The following DHRS3 variants were observed in gnomAD, a reference collection of about 807,000 sequenced individuals.
DHRS3 encodes dehydrogenase/reductase 3.
In DHRS3, 14 loss-of-function variants were observed where a neutral mutation model predicts 27.2. The ratio of observed to expected loss-of-function variants is 0.52; its 90% CI spans 0.34 to 0.81. DHRS3 has a LOEUF of 0.81. Among genes scored for constraint, DHRS3 ranks in the 30% least tolerant of loss-of-function variants. DHRS3 has a pLI of 0.01. For missense variants in DHRS3, 322 were observed against 406.2 expected (o/e 0.79, Z 1.78); for synonymous variants, 165 against 175.9 (o/e 0.94, Z 0.49).
intron 1 of DHRS3, among the ~76,000 whole-genome samples, chr1:12,589,764 A>G (rs1339689831): frequency 6.6e-6 from 1 of 152,160 alleles, no homozygotes; most frequent in Non-Finnish European, 1.5e-5. Context: ...TGGGGGAATT[A>G]CTTGAGGCCA....
Position 12,594,090 on chromosome 1 carries a change from A to C in DHRS3, c.196-13424T>G, listed in dbSNP as rs1646769106. ...GGGTGACCTTGGGGTGGGGGTGCCA[A>C]GGAGAGGAGGGAGGAGCCAGCATCT... On this transcript the variant is annotated intron_variant, in intron 1 of 5. Transcript: ENST00000616661. The surrounding 1 kb of genome is among the most constrained non-coding windows in gnomAD (Gnocchi z 4.1). Among the ~76,000 whole-genome samples, 1 of 152,082 alleles carries C rather than the reference A, an allele frequency of 6.6e-6. No homozygotes were observed.
intron 1 of DHRS3, chr1:12,616,637 G>T (rs1031644830): frequency 9.6e-5 from 95 of 991,932 alleles, no homozygotes; most frequent in Middle Eastern, 5.1e-4. Context: ...ATACAAGACC[G>T]CTCTTCCCTT....
Position 12,580,504 on chromosome 1 carries a change from A to G in DHRS3, c.339+19T>C. On this transcript the variant is annotated intron_variant, in intron 2 of 5. Coordinates refer to ENST00000616661, the MANE Select transcript of DHRS3 (RefSeq NM_004753.7). ...CTGTGGTCAGCTGTGCTAGGAATAG[A>G]CCCTCCCAGGCTACAGACCTTCTCC... is the stretch of plus-strand genomic sequence containing the variant. 1 of 1,613,874 alleles carries G rather than the reference A, an allele frequency of 6.2e-7. No homozygotes were observed. The highest frequency in any genetic ancestry group is 8.5e-7 in the Non-Finnish European group (1 of 1,179,964).
intron 1 of DHRS3, among the ~76,000 whole-genome samples, chr1:12,582,152 G>A (rs981224508): frequency 2.6e-5 from 4 of 152,098 alleles, no homozygotes; most frequent in South Asian, 2.1e-4. Context: ...TTTGTTACAC[G>A]GTATAGAGAA....
rs1484185172 is a variant in DHRS3 at position 12,578,724 on chromosome 1, C to G, written c.692G>C (p.Arg231Thr). ...GGGTCCCCTGCTCACTGACCTGACT[C>G]TCATGCCCTGGAACATCTCGGTGCT... Reference protein sequence around the residue: ...HTSTEMFQGMRVRFPNLFPPL... With the variant: ...HTSTEMFQGMTVRFPNLFPPL... The change falls in exon 4 of 6, where the codon AGA becomes ACA. Residue 231 changes from arginine to threonine, a missense_variant. By Grantham distance (71) the Arg-to-Thr change is moderately conservative. Transcript: ENST00000616661. This position sits in a 1 kb window ranked among gnomAD's most constrained non-coding sequence, Gnocchi z 4.5. 3 of 1,612,710 alleles carry G rather than the reference C, an allele frequency of 1.9e-6. No homozygotes were observed. The highest frequency in any genetic ancestry group is 2.5e-6 in the Non-Finnish European group (3 of 1,178,980).
rs563184181 is a variant in DHRS3, at chr1:12,574,408, T to A, written c.699-1555A>T. 8.1e-4 allele frequency among the ~76,000 whole-genome samples: 124 copies of A among 152,168 alleles called. No individual in the cohort carries two copies. The highest frequency in any genetic ancestry group is 2.9e-3 in the African/African-American group (119 of 41,500). ...CTGGCAACTCCTGGGCTGAAGTGAT[T>A]CCCCTGCCTCAGCCTCCCAAAGCAC... On this transcript the variant is annotated intron_variant, in intron 4 of 5. Coordinates refer to ENST00000616661, the MANE Select transcript of DHRS3 (RefSeq NM_004753.7). This position sits in a 1 kb window ranked among gnomAD's most constrained non-coding sequence, Gnocchi z 4.6.
rs1157678698 is a variant in DHRS3 at position 12,589,725 on chromosome 1, T to C, written c.196-9059A>G. Among the ~76,000 whole-genome samples, 3 of 152,320 alleles carry C rather than the reference T, an allele frequency of 2.0e-5. No homozygotes were observed. In the East Asian group the frequency reaches 5.8e-4, roughly 29 times the overall value. ...TGGGCTGGATATGTTGGCTCACGCC[T>C]ATATTCCCAGCACTTTGGGAGGCCG... On this transcript the variant is annotated intron_variant, in intron 1 of 5. Coordinates refer to ENST00000616661, the MANE Select transcript of DHRS3 (RefSeq NM_004753.7).
intron 1 of DHRS3, chr1:12,616,471 A>C (rs1408364822): frequency 2.5e-6 from 2 of 810,388 alleles, no homozygotes; most frequent in Non-Finnish European, 1.5e-6. Flanking sequence ...CCTTCCAGCT[A>C]AATGGGGAGG....
intron 4 of DHRS3, among the ~76,000 whole-genome samples, chr1:12,576,475 T>C (rs1646589469): frequency 6.6e-6 from 1 of 151,580 alleles, no homozygotes; most frequent in South Asian, 2.1e-4. Flanking sequence ...GGCAGGAGAA[T>C]GGCATGAACC....
At chr1:12,581,207 G>A (rs1355420814) in intron 1 of DHRS3, among the ~76,000 whole-genome samples, 1 of 152,172 alleles carries the variant, frequency 6.6e-6, no homozygotes, top group Non-Finnish European at 1.5e-5. Flanking sequence ...TCAATCAATT[G>A]ATGTGTATTT....
intron 1 of DHRS3, among the ~76,000 whole-genome samples, chr1:12,612,231 C>T (rs1352288267): frequency 6.6e-6 from 1 of 152,122 alleles, no homozygotes; most frequent in Non-Finnish European, 1.5e-5. Flanking sequence ...CTGCTCTCTC[C>T]CTGTAAATTG....
rs1646567098 is a variant in DHRS3 at position 12,574,307 on chromosome 1, G to T, written c.699-1454C>A. Among the ~76,000 whole-genome samples the T allele has an allele frequency of 6.6e-6, 1 of 152,108 alleles. No individual in the cohort carries two copies. Among genetic ancestry groups the T allele is most frequent in the Non-Finnish European group, 1.5e-5 (1 of 68,030 alleles). On this transcript the variant is annotated intron_variant, in intron 4 of 5. Coordinates refer to ENST00000616661, the MANE Select transcript of DHRS3 (RefSeq NM_004753.7). The surrounding 1 kb of genome is among the most constrained non-coding windows in gnomAD (Gnocchi z 4.6). ...CTGCCTCAGCCACCCGAGTAGCTGG[G>T]ACTACAGGTGCACACACCATGCCCA...
At position 12,572,570 on chromosome 1, in the gene DHRS3, C is replaced by T. The variant is rs1034142154; in HGVS notation, c.824+158G>A. Among the ~76,000 whole-genome samples, 12 of 152,286 alleles carry T rather than the reference C, an allele frequency of 7.9e-5. 1 individual carries two copies. Among genetic ancestry groups the T allele is most frequent in the African/African-American group, 1.2e-4 (5 of 41,566 alleles). On this transcript the variant is annotated intron_variant, in intron 5 of 5. Coordinates refer to ENST00000616661, the MANE Select transcript of DHRS3 (RefSeq NM_004753.7). The stretch of plus-strand genomic sequence containing the variant: ...TACTTTTTAAAACTCTAAGGGGCCC[C>T]GTGACTAACAAGTTTGAGAACTGCT...
chr1:12,577,011 G>T lies in DHRS3; in HGVS notation c.698+1707C>A, dbSNP rs565433414. Among the ~76,000 whole-genome samples, 3 of 151,682 alleles carry T rather than the reference G, an allele frequency of 2.0e-5. No individual in the cohort carries two copies. In the East Asian group the frequency reaches 5.8e-4, roughly 29 times the overall value. On this transcript the variant is annotated intron_variant, in intron 4 of 5. Transcript: ENST00000616661. Reference sequence around the variant, plus strand: ...TCAACAATCAACACCGCACTGTCCCGATTAATAGTAACTAAGGCGTAATGA... The same window carrying T: ...TCAACAATCAACACCGCACTGTCCCTATTAATAGTAACTAAGGCGTAATGA...
chr1:12,607,357 GC>G (rs1646878528), intron 1 of DHRS3, among the ~76,000 whole-genome samples: 1 of 152,164 alleles, frequency 6.6e-6, no homozygotes, highest in African/African-American at 2.4e-5. Flanking sequence ...ATCCCCATCT[GC>G]CAAGGGAGAG....
Position 12,608,561 on chromosome 1 carries a change from CCCCCTG to C in DHRS3, c.195+8587_195+8592del, listed in dbSNP as rs1253733216. Among the ~76,000 whole-genome samples, 2 of 152,142 alleles carry C rather than the reference CCCCCTG, an allele frequency of 1.3e-5. No individual in the cohort carries two copies. The highest frequency in any genetic ancestry group is 1.9e-4 in the East Asian group (1 of 5,192). On this transcript the variant is annotated intron_variant, in intron 1 of 5. Coordinates refer to ENST00000616661, the MANE Select transcript of DHRS3 (RefSeq NM_004753.7). The surrounding 1 kb of genome is among the most constrained non-coding windows in gnomAD (Gnocchi z 4.1). Reference sequence around the variant, plus strand: ...ATGCTGGTGTCCTCTTTTCCTCCTGCCCCCTGCCCCTGCCCCTGCCTGTGTCATTGC... The same window carrying C: ...ATGCTGGTGTCCTCTTTTCCTCCTGCCCCCTGCCCCTGCCTGTGTCATTGC...
At chr1:12,595,775 G>A (rs1570387308) in intron 1 of DHRS3, among the ~76,000 whole-genome samples, 1 of 150,512 alleles carries the variant, frequency 6.6e-6, no homozygotes, top group Non-Finnish European at 1.5e-5. Context: ...GATCCCGGGT[G>A]CAGCTGGGGA....
In DHRS3 at chr1:12,570,643, C is replaced by T. The variant is rs144378030; in HGVS notation, c.824+2085G>A. Among the ~76,000 whole-genome samples, 517 of 152,232 alleles carry T rather than the reference C, an allele frequency of 3.4e-3. 4 individuals carry two copies. The highest frequency in any genetic ancestry group is 0.011 in the African/African-American group (455 of 41,522). On this transcript the variant is annotated intron_variant, in intron 5 of 5. Coordinates refer to ENST00000616661, the MANE Select transcript of DHRS3 (RefSeq NM_004753.7). Reference sequence around the variant, plus strand: ...AAGGCTGAGGGCTTACTGTGGAGAGCGCTGAGGTGTTCTAGACCAACTTTT... The same window carrying T: ...AAGGCTGAGGGCTTACTGTGGAGAGTGCTGAGGTGTTCTAGACCAACTTTT...
chr1:12,616,212 G>A (rs186438149), intron 1 of DHRS3, among the ~76,000 whole-genome samples: 1 of 152,284 alleles, frequency 6.6e-6, no homozygotes, highest in East Asian at 1.9e-4. Context: ...AACAGTTTAA[G>A]TTTCAAACTA....
Sources: gnomAD v4.1 joint callset for allele counts (sites outside exome capture counted in the v4.1 genomes callset) on GRCh38, gnomAD v4.1.1 for gene constraint, Gnocchi (gnomAD v3.1) non-coding constraint, MANE v1.5 for transcripts, NCBI Gene and HGNC (gene_info 2026-07-23, HGNC 2026-07-21) for gene names.